Variants in ZFHX3 observed in about 807,000 individuals in gnomAD.
ZFHX3 encodes zinc finger homeobox protein 3.
A neutral mutation model predicts 279.1 loss-of-function variants in ZFHX3; 42 were observed. That is an observed-to-expected ratio of 0.15 (90% CI 0.12 to 0.19). The LOEUF is 0.19. Ranked by LOEUF, ZFHX3 falls within the 10% of genes least tolerant of loss-of-function variation. The pLI is 1.00. For synonymous variants in ZFHX3, 2,293 were observed against 1,957.8 expected (o/e 1.17, Z -4.52); for missense variants, 4,981 against 4,754.0 (o/e 1.05, Z -1.40).
intron 3 of ZFHX3, among the ~76,000 whole-genome samples, chr16:73,337,109 A>C (rs1042102950): frequency 2.6e-5 from 4 of 152,092 alleles, no homozygotes; most frequent in African/African-American, 9.7e-5. Flanking sequence ...TCATATTTCA[A>C]AATCCCCATT....
At chr16:73,631,927 TCACACACACA>T (rs60955432) in intron 2 of ZFHX3, among the ~76,000 whole-genome samples, 6,773 of 136,736 alleles carry the variant, frequency 0.05, 395 homozygotes, top group East Asian at 0.27. Flanking sequence ...TCTCTCTCTC[TCACACACACA>T]CACACACACA....
In ZFHX3 at chr16:72,909,889, A is replaced by AT. The variant is rs1398177243; in HGVS notation, c.3217-19928_3217-19927insA. On this transcript the variant is annotated intron_variant, in intron 3 of 9. Coordinates refer to ENST00000268489, the MANE Select transcript of ZFHX3 (RefSeq NM_006885.4). ...TGACACCGTGTCTCAAAAAAAAAAA[A>AT]AAAAAAAAAAATTAAAAAGCCAGGC... Among the ~76,000 whole-genome samples, 1,369 of 151,754 alleles carry AT rather than the reference A, an allele frequency of 9.0e-3. 20 individuals carry two copies. Among genetic ancestry groups the AT allele is most frequent in the African/African-American group, 0.032 (1,305 of 41,320 alleles).
At chr16:73,540,243 T>C (rs549466444) in intron 2 of ZFHX3, among the ~76,000 whole-genome samples, 11 of 152,174 alleles carry the variant, frequency 7.2e-5, no homozygotes, top group Non-Finnish European at 8.8e-5. Flanking sequence ...TCCACAACCA[T>C]ATGGGCTAGG....
chr16:73,301,994 C>G (rs1031961706), intron 4 of ZFHX3, among the ~76,000 whole-genome samples: 3 of 152,076 alleles, frequency 2.0e-5, no homozygotes, highest in Admixed American at 2.0e-4. Context: ...TGCGCCCCAA[C>G]CTGTGCACCA....
intron 1 of ZFHX3, among the ~76,000 whole-genome samples, chr16:73,805,898 T>G (rs1238046469): frequency 6.6e-6 from 1 of 152,162 alleles, no homozygotes; most frequent in Admixed American, 6.5e-5. Context: ...GAAACTTCAG[T>G]GAAATGAGGG....
At chr16:72,844,417 C>G (rs2037425084) in intron 4 of ZFHX3, among the ~76,000 whole-genome samples, 1 of 152,156 alleles carries the variant, frequency 6.6e-6, no homozygotes, top group South Asian at 2.1e-4. Flanking sequence ...CATTTCTTTT[C>G]TACTCTGCCT....
chr16:73,452,802 T>A (rs187433938), intron 3 of ZFHX3, among the ~76,000 whole-genome samples: 27 of 152,354 alleles, frequency 1.8e-4, no homozygotes, highest in African/African-American at 6.5e-4. Context: ...AAATTTTCAT[T>A]TGGTACTGAA....
At chr16:73,386,414 T>A (rs1008799863) in intron 3 of ZFHX3, among the ~76,000 whole-genome samples, 4 of 152,204 alleles carry the variant, frequency 2.6e-5, no homozygotes, top group African/African-American at 7.2e-5. Flanking sequence ...CCCGTTTGCT[T>A]ATTTTTTTAA....
chr16:73,007,236 C>T (rs765725649), intron 1 of ZFHX3, among the ~76,000 whole-genome samples: 10 of 152,212 alleles, frequency 6.6e-5, no homozygotes, highest in Admixed American at 1.3e-4. Flanking sequence ...CCACTCATGT[C>T]GGAACTCAAT....
chr16:72,960,033 C>G lies in ZFHX3; in HGVS notation c.113G>C (p.Ser38Thr), dbSNP rs762454534. Reference protein sequence around the residue: ...NSTHLPDKPSSMEQSTGESHG... With the variant: ...NSTHLPDKPSTMEQSTGESHG... ...GCTCTCGCCTGTGGACTGCTCCATGCTACTGGGTTTGTCAGGGAGGTGGGT... is the reference window on the plus strand; with the variant it reads ...GCTCTCGCCTGTGGACTGCTCCATGGTACTGGGTTTGTCAGGGAGGTGGGT... The change falls in exon 2 of 10, where the codon AGC becomes ACC. Residue 38 changes from serine (S) to threonine (T), a missense_variant. Coordinates refer to ENST00000268489, the MANE Select transcript of ZFHX3 (RefSeq NM_006885.4). The G allele has an allele frequency of 6.2e-7, 1 of 1,614,030 alleles. No homozygotes were observed. The highest frequency in any genetic ancestry group is 2.2e-5 in the East Asian group (1 of 44,856).
chr16:73,334,107 G>A (rs959924814), intron 3 of ZFHX3, among the ~76,000 whole-genome samples: 1 of 152,174 alleles, frequency 6.6e-6, no homozygotes, highest in African/African-American at 2.4e-5. Context: ...AGGAGAAAGG[G>A]GACAGGAAGG....
intron 1 of ZFHX3, among the ~76,000 whole-genome samples, chr16:73,819,974 T>C (rs943512614): frequency 6.6e-6 from 1 of 152,248 alleles, no homozygotes; most frequent in Non-Finnish European, 1.5e-5. Context: ...TCTTCTGCAA[T>C]GTGACCTTGC....
At chr16:73,261,922 A>G (rs12325097) in intron 4 of ZFHX3, among the ~76,000 whole-genome samples, 107,263 of 151,958 alleles carry the variant, frequency 0.71, 38,662 homozygotes, top group South Asian at 0.89. Context: ...TGATCCACCC[A>G]CCTTGGTCTC....
At chr16:73,111,702 A>G (rs1966376674) in intron 7 of ZFHX3, among the ~76,000 whole-genome samples, 1 of 150,978 alleles carries the variant, frequency 6.6e-6, no homozygotes, top group Non-Finnish European at 1.5e-5. Context: ...GAGAGAGAGA[A>G]AGGAAGAAAG....
chr16:73,803,984 G>A (rs963307597), intron 1 of ZFHX3, among the ~76,000 whole-genome samples: 5 of 151,860 alleles, frequency 3.3e-5, no homozygotes, highest in African/African-American at 4.8e-5. Context: ...TGGCAAAACC[G>A]CGTCTCTACA....
intron 5 of ZFHX3, among the ~76,000 whole-genome samples, chr16:72,822,795 G>GTTTTTT (rs11365314): frequency 3.3e-5 from 3 of 90,438 alleles, no homozygotes; most frequent in African/African-American, 9.3e-5. Context: ...TAGAAAGTGA[G>GTTTTTT]TTTTTTTTTT....
intron 2 of ZFHX3, among the ~76,000 whole-genome samples, chr16:73,669,322 G>A (rs374976939): frequency 3.9e-5 from 6 of 152,300 alleles, no homozygotes; most frequent in South Asian, 2.1e-4. Flanking sequence ...CCAAAGTGCT[G>A]GGATTACAGG....
rs181587573 is a variant in ZFHX3 at position 73,794,704 on chromosome 16, T to A, written c.-1608+96947A>T. 1.2e-3 allele frequency among the ~76,000 whole-genome samples: 185 copies of A among 152,314 alleles called. 2 individuals carry two copies. Among genetic ancestry groups the A allele is most frequent in the African/African-American group, 4.1e-3 (171 of 41,574 alleles). ...CTCAACAGCTTTACATCTTTCCTAT[T>A]TAACCAATTATTCTATACCTTTTCC... On this transcript the variant is annotated intron_variant, in intron 1 of 17. Transcript: ENST00000641206.
intron 2 of ZFHX3, among the ~76,000 whole-genome samples, chr16:73,556,967 C>T (rs1567518072): frequency 1.3e-5 from 2 of 151,490 alleles, no homozygotes; most frequent in Non-Finnish European, 2.9e-5. Context: ...TGGTGGTGGG[C>T]GCCTGTAGTC....
Sources: allele counts gnomAD v4.1 joint callset (sites outside exome capture counted in the v4.1 genomes callset), GRCh38; gene constraint gnomAD v4.1.1; transcripts MANE v1.5; gene names NCBI Gene and HGNC (gene_info 2026-07-23, HGNC 2026-07-21).